Variants in MME observed in about 807,000 individuals in gnomAD.
MME encodes membrane metalloendopeptidase.
In MME, 98 loss-of-function variants were observed where a neutral mutation model predicts 113.2. The observed-to-expected ratio is 0.87, with a 90% CI of 0.74 to 1.02. The LOEUF is 1.02. Among genes scored for constraint, MME ranks in the 50% least tolerant of loss-of-function variants. MME has a pLI of 0.00. For synonymous variants in MME, 292 were observed against 300.6 expected, an observed-to-expected ratio of 0.97 and a Z score of 0.30; for missense variants, 836 against 896.0, an observed-to-expected ratio of 0.93 and a Z score of 0.86.
intron 16 of MME, among the ~76,000 whole-genome samples, chr3:155,156,468 T>C (rs1287989302): frequency 6.6e-6 from 1 of 152,048 alleles, no homozygotes. Context: ...GAGTAGGAGA[T>C]TTGATTGGAA....
chr3:155,172,208 C>T lies in MME; in HGVS notation c.2072C>T (p.Ala691Val), dbSNP rs1414684441. 1.3e-6 allele frequency: 2 copies of T among 1,596,980 alleles called. No individual in the cohort carries two copies. Among genetic ancestry groups the T allele is most frequent in the Non-Finnish European group, 1.7e-6 (2 of 1,164,956 alleles). The part of the protein sequence containing the change: ...NHKQLFFLNF[A>V]QVWCGTYRPE... The stretch of plus-strand genomic sequence containing the variant: ...AAACAACTATTTTTCTTGAACTTTG[C>T]ACAGGTATTGTGTCTTTCTTGATTG... Residue 691 changes from alanine to valine, a missense_variant, in exon 21 of 23, where the codon GCA (alanine) becomes GTA (valine). Coordinates refer to ENST00000360490, the MANE Select transcript of MME (RefSeq NM_007289.4).
intron 3 of MME, among the ~76,000 whole-genome samples, chr3:155,095,477 A>G (rs1378718662): frequency 1.3e-5 from 2 of 152,210 alleles, no homozygotes; most frequent in African/African-American, 4.8e-5. Flanking sequence ...CTGTAGAGAC[A>G]TTAGAACAAC....
At chr3:155,061,858 G>A (rs1275239402) in intron 1 of MME, among the ~76,000 whole-genome samples, 3 of 151,894 alleles carry the variant, frequency 2.0e-5, no homozygotes, top group Non-Finnish European at 4.4e-5. Flanking sequence ...ACAGGGTTTT[G>A]CCGTGTTGGC....
chr3:155,063,064 A>G (rs1166119256), intron 1 of MME, among the ~76,000 whole-genome samples: 1 of 145,564 alleles, frequency 6.9e-6, no homozygotes, highest in African/African-American at 2.5e-5. Flanking sequence ...GGAAAGAACT[A>G]CGTCAAAACT....
At chr3:155,119,318 G>A (rs898639806) in intron 8 of MME, among the ~76,000 whole-genome samples, 1 of 151,872 alleles carries the variant, frequency 6.6e-6, no homozygotes, top group Admixed American at 6.6e-5. Flanking sequence ...GTAGCCAGTG[G>A]GCATCATATC....
chr3:155,182,927 A>C lies in MME; in HGVS notation c.*2468A>C, dbSNP rs1457603146. On this transcript the variant is annotated 3_prime_UTR_variant, in exon 23 of 23. Transcript: ENST00000360490. Reference sequence around the variant, plus strand: ...TAGAGCCTTCTGATGTCTCTAAAGCACTACCGATTCTTTGGAGTTGTCACA... The same window carrying C: ...TAGAGCCTTCTGATGTCTCTAAAGCCCTACCGATTCTTTGGAGTTGTCACA... 3 of 152,212 alleles carry C rather than the reference A, an allele frequency of 2.0e-5. No individual in the cohort carries two copies. In the East Asian group the frequency reaches 5.8e-4, roughly 29 times the overall value. The allele number at this position is 152,212 out of a possible 1,614,324, so 9.4% of individuals were successfully genotyped here.
chr3:155,165,375 A>G (rs983953273), intron 17 of MME, among the ~76,000 whole-genome samples: 4 of 152,168 alleles, frequency 2.6e-5, no homozygotes, highest in African/African-American at 7.2e-5. Flanking sequence ...CATTATTAGT[A>G]TATTTCAGAA....
intron 3 of MME, among the ~76,000 whole-genome samples, chr3:155,107,126 C>A (rs1034610400): frequency 4.6e-5 from 7 of 152,056 alleles, no homozygotes; most frequent in African/African-American, 7.2e-5. Flanking sequence ...GAGACTGAGG[C>A]GGGTGGATCA....
chr3:155,041,847 A>G (rs1197874993), intron 1 of MME, among the ~76,000 whole-genome samples: 1 of 152,204 alleles, frequency 6.6e-6, no homozygotes, highest in African/African-American at 2.4e-5. Context: ...AAGACCCAAG[A>G]TCTGTATATG....
At chr3:155,030,058 C>T (rs1342086590) in intron 1 of MME, among the ~76,000 whole-genome samples, 1 of 152,162 alleles carries the variant, frequency 6.6e-6, no homozygotes, top group East Asian at 1.9e-4. Flanking sequence ...TGCCCAAAGA[C>T]ATGACTTTTA....
chr3:155,060,856 A>AGAGT (rs1428472755), intron 1 of MME, among the ~76,000 whole-genome samples: 1 of 150,714 alleles, frequency 6.6e-6, no homozygotes, highest in East Asian at 2.0e-4. Context: ...AGAGAGAGAG[A>AGAGT]GAGTGAGAGA....
chr3:155,111,822 C>A (rs1718214400), intron 3 of MME, among the ~76,000 whole-genome samples: 1 of 152,080 alleles, frequency 6.6e-6, no homozygotes, highest in Non-Finnish European at 1.5e-5. Flanking sequence ...GCATAGCCTT[C>A]ACAACATTCA....
intron 8 of MME, 150 bp from the exon 9 acceptor site, chr3:155,137,952 A>G: frequency 1.2e-6 from 1 of 833,380 alleles, no homozygotes. Context: ...GAATCTGTGC[A>G]GGTCATTTCT....
intron 22 of MME, among the ~76,000 whole-genome samples, chr3:155,175,127 C>T (rs922556747): frequency 6.6e-6 from 1 of 151,832 alleles, no homozygotes; most frequent in Non-Finnish European, 1.5e-5. Flanking sequence ...AAAAGCCTAA[C>T]CTTTTTTAAA....
chr3:155,172,722 G>GAT, intron 22 of MME, 110 bp downstream of exon 22: 1 of 747,874 alleles, frequency 1.3e-6, no homozygotes, highest in Non-Finnish European at 2.2e-6. Context: ...GAAATTCAGT[G>GAT]CTTTTTTTTT....
At chr3:155,063,690 A>ATATTATAT (rs1192109916) in intron 1 of MME, among the ~76,000 whole-genome samples, 2 of 133,740 alleles carry the variant, frequency 1.5e-5, no homozygotes, top group Non-Finnish European at 3.1e-5. Context: ...ATATTATATT[A>ATATTATAT]TATTATATTA....
intron 22 of MME, among the ~76,000 whole-genome samples, chr3:155,174,369 TG>T: frequency 3.5e-5 from 5 of 142,384 alleles, no homozygotes; most frequent in Non-Finnish European, 1.5e-5. Context: ...TGTGTGTGTG[TG>T]TGTGTGTGTG....
At chr3:155,078,266 G>A (rs551702248), upstream of MME, among the ~76,000 whole-genome samples, 3 of 152,250 alleles carry the variant, frequency 2.0e-5, no homozygotes, top group African/African-American at 7.2e-5. Context: ...CGCTAGTCAA[G>A]CCCCGCATGC....
At chr3:155,107,119 A>G (rs1812652) in intron 3 of MME, among the ~76,000 whole-genome samples, 136,108 of 152,228 alleles carry the variant, frequency 0.89, 61,011 homozygotes, top group Middle Eastern at 0.95. Context: ...ACTTTGGGAG[A>G]CTGAGGCGGG....
Sources: allele counts gnomAD v4.1 joint callset (sites outside exome capture counted in the v4.1 genomes callset), GRCh38; gene constraint gnomAD v4.1.1; transcripts MANE v1.5; gene names NCBI Gene and HGNC (gene_info 2026-07-23, HGNC 2026-07-21).